The following ALDH2 variants were observed in gnomAD, a reference collection of about 807,000 sequenced individuals.
ALDH2 encodes aldehyde dehydrogenase 2 family member, also known as aldehyde dehydrogenase, mitochondrial.
Under a neutral mutation model 59.6 loss-of-function variants are expected in ALDH2, and 44 were observed. The ratio of observed to expected loss-of-function variants is 0.74; its 90% CI spans 0.58 to 0.95. The LOEUF is 0.95. Ranked by LOEUF, ALDH2 falls within the 40% of genes least tolerant of loss-of-function variation. The pLI is 0.00. For synonymous variants in ALDH2, 291 were observed against 284.0 expected (o/e 1.02, Z -0.25); for missense variants, 570 against 696.3 (o/e 0.82, Z 2.04).
At chr12:111,782,188 G>A (rs1026420143) in intron 2 of ALDH2, among the ~76,000 whole-genome samples, 166 bp downstream of exon 2, 2 of 152,204 alleles carry the variant, frequency 1.3e-5, no homozygotes, top group Non-Finnish European at 2.9e-5. Flanking sequence ...TGCAGACAAC[G>A]GTGTTAATTC....
In ALDH2 at chr12:111,802,778, G is replaced by A. The variant is rs190234774; in HGVS notation, c.1407-1081G>A. ...ACCTGTAGTCCCAGCTACTCGGGAGGCTGAGGCAGGAGAATGGCGTGAACC... is the reference window on the plus strand; with the variant it reads ...ACCTGTAGTCCCAGCTACTCGGGAGACTGAGGCAGGAGAATGGCGTGAACC... On this transcript the variant is annotated intron_variant, in intron 11 of 12. Coordinates refer to ENST00000261733, the MANE Select transcript of ALDH2 (RefSeq NM_000690.4). 7.3e-4 allele frequency among the ~76,000 whole-genome samples: 110 copies of A among 151,274 alleles called. 1 individual carries two copies. The highest frequency in any genetic ancestry group is 5.9e-3 in the Admixed American group (89 of 15,140).
intron 1 of ALDH2, 84 bp from the exon 2 acceptor site, chr12:111,781,831 TTTC>T: frequency 9.7e-7 from 1 of 1,029,126 alleles, no homozygotes; most frequent in South Asian, 1.4e-5. Flanking sequence ...ATATTTGCTT[TTTC>T]TTGTTTTTTT....
intron 9 of ALDH2, among the ~76,000 whole-genome samples, chr12:111,796,741 AC>A (rs2068407559): frequency 6.6e-6 from 1 of 151,982 alleles, no homozygotes; most frequent in Non-Finnish European, 1.5e-5. Context: ...CCCCATCCCT[AC>A]TAAAAATATA....
At chr12:111,779,820 T>C (rs1227261671) in intron 1 of ALDH2, among the ~76,000 whole-genome samples, 1 of 152,214 alleles carries the variant, frequency 6.6e-6, no homozygotes, top group African/African-American at 2.4e-5. Flanking sequence ...GGGAGATGTC[T>C]TCTCTGCACT....
chr12:111,783,220 C>G lies in ALDH2; in HGVS notation c.282C>G (p.Arg94=). Residue 94 remains arginine, a synonymous_variant, in exon 3 of 13, where the codon CGC becomes CGG. Coordinates refer to ENST00000261733, the MANE Select transcript of ALDH2 (RefSeq NM_000690.4). ...RAAFQLGSPW[R]RMDASHRGRL... Reference sequence around the variant, plus strand: ...CCTTCCAGCTGGGCTCACCTTGGCGCCGCATGGACGCATCACACAGGGGCC... The same window carrying G: ...CCTTCCAGCTGGGCTCACCTTGGCGGCGCATGGACGCATCACACAGGGGCC... 6.2e-7 allele frequency: 1 copy of G among 1,613,588 alleles called. No individual in the cohort carries two copies. The highest frequency in any genetic ancestry group is 8.5e-7 in the Non-Finnish European group (1 of 1,179,724).
At chr12:111,771,294 G>A (rs1295562914) in intron 1 of ALDH2, among the ~76,000 whole-genome samples, 5 of 152,074 alleles carry the variant, frequency 3.3e-5, no homozygotes, top group African/African-American at 4.8e-5. Flanking sequence ...CTACTTGGGC[G>A]GCTGAGGCAG....
chr12:111,785,297 T>C lies in ALDH2; in HGVS notation c.391T>C (p.Tyr131His). ...GGAGACCCTGGACAATGGCAAGCCCTATGTCATCTCCTACCTGGTGGATTT... is the reference window on the plus strand; with the variant it reads ...GGAGACCCTGGACAATGGCAAGCCCCATGTCATCTCCTACCTGGTGGATTT... ...ALETLDNGKP[Y>H]VISYLVDLDM... Residue 131 changes from tyrosine to histidine, a missense_variant, in exon 4 of 13, where the codon TAT (tyrosine) becomes CAT (histidine). By Grantham distance (83) the Tyr-to-His change is moderately conservative. Transcript: ENST00000261733. 1 of 1,614,146 alleles carries C rather than the reference T, an allele frequency of 6.2e-7. No individual in the cohort carries two copies. Among genetic ancestry groups the C allele is most frequent in the South Asian group, 1.1e-5 (1 of 91,084 alleles).
chr12:111,792,295 C>A, intron 8 of ALDH2, 132 bp downstream of exon 8: 3 of 763,310 alleles, frequency 3.9e-6, no homozygotes, highest in South Asian at 3.6e-5. Flanking sequence ...CAGGATAAGA[C>A]GCCAGCGCAG....
intron 1 of ALDH2, chr12:111,775,605 TC>T: frequency 2.2e-6 from 1 of 453,670 alleles, no homozygotes; most frequent in Non-Finnish European, 4.4e-6. Context: ...TTGCCTACAG[TC>T]TAGATTGAAA....
Position 111,810,230 on chromosome 12 carries a change from G to C in ALDH2, c.*655G>C, listed in dbSNP as rs1259459945. The C allele has an allele frequency of 3.3e-5, 5 of 153,290 alleles. No individual in the cohort carries two copies. The highest frequency in any genetic ancestry group is 1.2e-4 in the African/African-American group (5 of 41,450). The allele number at this position is 153,290 out of a possible 1,614,324, so 9.5% of individuals were successfully genotyped here. A position where few individuals can be genotyped will look rare whatever the true frequency, so the allele number is the denominator to read the frequency against. On this transcript the variant is annotated 3_prime_UTR_variant, in exon 13 of 13. Coordinates refer to ENST00000261733, the MANE Select transcript of ALDH2 (RefSeq NM_000690.4). The stretch of plus-strand genomic sequence containing the variant: ...GAGGCAGGAAAATTGGTTGAACCTG[G>C]GAGGTGGAGGTTGCAGTGAGTGGAG...
chr12:111,808,138 G>A (rs1023096292), intron 12 of ALDH2, among the ~76,000 whole-genome samples: 1 of 152,076 alleles, frequency 6.6e-6, no homozygotes, highest in Non-Finnish European at 1.5e-5. Context: ...GCCTCCCAAA[G>A]TTCTGGGATT....
chr12:111,772,513 G>A (rs766967621), intron 1 of ALDH2, among the ~76,000 whole-genome samples: 42 of 151,836 alleles, frequency 2.8e-4, no homozygotes, highest in African/African-American at 9.7e-5. Flanking sequence ...TACGGGTGCC[G>A]CCACCATGCC....
intron 7 of ALDH2, 148 bp from the exon 8 acceptor site, chr12:111,791,913 A>C (rs1053639072): frequency 1.5e-6 from 1 of 655,564 alleles, no homozygotes; most frequent in Non-Finnish European, 2.7e-6. Flanking sequence ...AAGAAAAAAA[A>C]AGTGAACGTC....
chr12:111,786,322 C>T (rs1199890230), intron 4 of ALDH2, among the ~76,000 whole-genome samples: 2 of 150,598 alleles, frequency 1.3e-5, no homozygotes, highest in African/African-American at 2.4e-5. Flanking sequence ...CTGCAAGCTC[C>T]GCCTCCCGGG....
chr12:111,797,974 T>G lies in ALDH2; in HGVS notation c.1084-104T>G, dbSNP rs562349449. ...TTCTGATCTTGCTTTCTTATGACCT[T>G]GGTCCATTTCCCAGTTGTCTTGTTG... On this transcript the variant is annotated intron_variant, in intron 9 of 12. Coordinates refer to ENST00000261733, the MANE Select transcript of ALDH2 (RefSeq NM_000690.4). 1.7e-5 allele frequency: 24 copies of G among 1,374,222 alleles called. No homozygotes were observed. In the South Asian group the frequency reaches 2.8e-4, roughly 16 times the overall value. The allele number at this position is 1,374,222 out of a possible 1,614,324, so 85.1% of individuals were successfully genotyped here.
rs138392178 is a variant in ALDH2 at position 111,790,298 on chromosome 12, G to A, written c.553-136G>A. The A allele has an allele frequency of 2.3e-5, 25 of 1,110,840 alleles. No individual in the cohort carries two copies. In the African/African-American group the frequency reaches 3.1e-4, roughly 14 times the overall value. The allele number at this position is 1,110,840 out of a possible 1,614,324, so 68.8% of individuals were successfully genotyped here. A position where few individuals can be genotyped will look rare whatever the true frequency, so the allele number is the denominator to read the frequency against. On this transcript the variant is annotated intron_variant, in intron 5 of 12. Coordinates refer to ENST00000261733, the MANE Select transcript of ALDH2 (RefSeq NM_000690.4). Reference sequence around the variant, plus strand: ...CATCCATTCATCTTAAAACCACGATGGATGGAGTTAGGGGAGGACACGCAG... The same window carrying A: ...CATCCATTCATCTTAAAACCACGATAGATGGAGTTAGGGGAGGACACGCAG...
chr12:111,768,941 G>A (rs1261648882), intron 1 of ALDH2, among the ~76,000 whole-genome samples: 1 of 152,154 alleles, frequency 6.6e-6, no homozygotes, highest in Non-Finnish European at 1.5e-5. Context: ...CTATGATTGG[G>A]CCACTACACT....
At chr12:111,781,031 C>T (rs1269978358) in intron 1 of ALDH2, among the ~76,000 whole-genome samples, 1 of 152,124 alleles carries the variant, frequency 6.6e-6, no homozygotes, top group African/African-American at 2.4e-5. Flanking sequence ...ATCACTTGAG[C>T]TTAAGAGGAA....
intron 7 of ALDH2, 48 bp downstream of exon 7, chr12:111,791,467 C>T (rs1190297088): frequency 1.4e-6 from 2 of 1,423,866 alleles, no homozygotes; most frequent in Non-Finnish European, 2.0e-6. Context: ...GCCCAAGCTC[C>T]CCCTGTCCTC....
Sources: gnomAD v4.1 joint callset for allele counts (sites outside exome capture counted in the v4.1 genomes callset) on GRCh38, gnomAD v4.1.1 for gene constraint, MANE v1.5 for transcripts, NCBI Gene and HGNC (gene_info 2026-07-23, HGNC 2026-07-21) for gene names.